Variants in CERKL observed in about 807,000 individuals in gnomAD.
CERKL encodes ceramide kinase-like protein.
A neutral mutation model predicts 63.4 loss-of-function variants in CERKL; 61 were observed. That is an observed-to-expected ratio of 0.96 (90% CI 0.78 to 1.19). The LOEUF is 1.19. Among genes scored for constraint, CERKL ranks in the 50% most tolerant of loss-of-function variants. The pLI is 0.00. For synonymous variants in CERKL, 250 were observed against 230.5 expected (o/e 1.08, Z -0.77); for missense variants, 675 against 655.5 (o/e 1.03, Z -0.33).
At chr2:181,627,383 G>T (rs182217511) in intron 1 of CERKL, among the ~76,000 whole-genome samples, 108 of 152,282 alleles carry the variant, frequency 7.1e-4, no homozygotes, top group African/African-American at 2.4e-3. Flanking sequence ...ATACAGAAAA[G>T]AATGAAAAGA....
intron 6 of CERKL, 89 bp from the exon 7 acceptor site, chr2:181,548,946 A>G (rs972596991): frequency 3.4e-6 from 4 of 1,187,032 alleles, no homozygotes; most frequent in Non-Finnish European, 4.9e-6. Flanking sequence ...ATTGGCTTAT[A>G]GGAGAATATC....
At chr2:181,595,186 A>G (rs1256442471) in intron 2 of CERKL, among the ~76,000 whole-genome samples, 1 of 151,796 alleles carries the variant, frequency 6.6e-6, no homozygotes, top group Non-Finnish European at 1.5e-5. Flanking sequence ...GTAATCTGTC[A>G]CAAATCAGTG....
Position 181,548,852 on chromosome 2 carries a change from C to T in CERKL, c.901G>A (p.Val301Ile), listed in dbSNP as rs1453612133. Residue 301 changes from valine to isoleucine, a missense_variant, in exon 7 of 13, where the codon GTA becomes ATA. Coordinates refer to ENST00000410087, the MANE Select transcript of CERKL (RefSeq NM_201548.5). ...TATLHIIMGH[V>I]QLVDVCTFST... ...AAGGTGCAGACGTCGACCAGCTGTA[C>T]ATGCCCTTGAATATTACATTAAATA... The T allele has an allele frequency of 1.7e-5, 28 of 1,613,656 alleles. No homozygotes were observed. Among genetic ancestry groups the T allele is most frequent in the Non-Finnish European group, 2.3e-5 (27 of 1,179,674 alleles).
chr2:181,585,480 T>A (rs1684721724), intron 2 of CERKL, among the ~76,000 whole-genome samples: 1 of 152,174 alleles, frequency 6.6e-6, no homozygotes, highest in Non-Finnish European at 1.5e-5. Context: ...CTATTTCTAT[T>A]AATTCCTAAA....
chr2:181,595,868 T>C (rs570830717), intron 2 of CERKL, among the ~76,000 whole-genome samples: 4 of 152,190 alleles, frequency 2.6e-5, no homozygotes, highest in African/African-American at 7.2e-5. Context: ...GCTATTATTA[T>C]GAAGATTTAA....
intron 1 of CERKL, among the ~76,000 whole-genome samples, chr2:181,653,677 G>A (rs1688028674): frequency 6.6e-6 from 1 of 152,174 alleles, no homozygotes; most frequent in Non-Finnish European, 1.5e-5. Flanking sequence ...TCACTCACAT[G>A]TAGAATCTTT....
chr2:181,581,449 T>C (rs1210651954), intron 2 of CERKL, among the ~76,000 whole-genome samples: 1 of 152,200 alleles, frequency 6.6e-6, no homozygotes, highest in Non-Finnish European at 1.5e-5. Flanking sequence ...TAGAATACAA[T>C]ATGCTACAAC....
rs1574077640 is a variant in CERKL at position 181,656,902 on chromosome 2, G to A, written c.105C>T (p.Ser35=). 1.9e-6 allele frequency: 3 copies of A among 1,604,380 alleles called. No individual in the cohort carries two copies. The highest frequency in any genetic ancestry group is 2.2e-5 in the South Asian group (2 of 90,584). The part of the protein sequence containing the change: ...AAAVPPALLT[S]PQQTEAAAER... The stretch of plus-strand genomic sequence containing the variant: ...CGGCCGCCGCCTCCGTCTGCTGCGG[G>A]GACGTTAACAGCGCCGGAGGCACAG... Residue 35 remains serine, a synonymous_variant, in exon 1 of 13, where the codon TCC becomes TCT. Transcript: ENST00000410087.
chr2:181,566,767 A>C (rs776514859), intron 3 of CERKL, among the ~76,000 whole-genome samples: 13 of 152,152 alleles, frequency 8.5e-5, no homozygotes, highest in Non-Finnish European at 1.6e-4. Flanking sequence ...TGCCCTATGC[A>C]GTATCGTAAA....
chr2:181,553,384 T>C (rs1250485773), intron 5 of CERKL, among the ~76,000 whole-genome samples: 3 of 152,176 alleles, frequency 2.0e-5, no homozygotes, highest in African/African-American at 7.2e-5. Context: ...GGATTATCGA[T>C]GGATTACAGT....
intron 1 of CERKL, among the ~76,000 whole-genome samples, chr2:181,646,811 C>A (rs1687690759): frequency 6.6e-6 from 1 of 152,116 alleles, no homozygotes; most frequent in African/African-American, 2.4e-5. Flanking sequence ...CTAATCTCTG[C>A]CTGAAGAGTT....
intron 3 of CERKL, among the ~76,000 whole-genome samples, chr2:181,573,237 A>G (rs371833751): frequency 6.6e-6 from 1 of 152,312 alleles, no homozygotes; most frequent in East Asian, 1.9e-4. Flanking sequence ...CACAAACCTA[A>G]GTACATTTCT....
At chr2:181,611,227 A>AAAT (rs557039479) in intron 1 of CERKL, among the ~76,000 whole-genome samples, 217 of 151,764 alleles carry the variant, frequency 1.4e-3, no homozygotes, top group African/African-American at 4.9e-3. Flanking sequence ...CATCTCAAAA[A>AAAT]AATAATAATA....
intron 1 of CERKL, among the ~76,000 whole-genome samples, chr2:181,641,042 C>CA (rs1687398592): frequency 6.6e-6 from 1 of 152,132 alleles, no homozygotes; most frequent in African/African-American, 2.4e-5. Flanking sequence ...CATTAGTCTC[C>CA]AGACGTTCAC....
intron 1 of CERKL, among the ~76,000 whole-genome samples, chr2:181,641,145 TCAAA>T (rs1246081025): frequency 6.6e-6 from 1 of 152,024 alleles, no homozygotes; most frequent in Non-Finnish European, 1.5e-5. Context: ...AAATTTCAGT[TCAAA>T]CAATGTATCA....
intron 11 of CERKL, among the ~76,000 whole-genome samples, chr2:181,542,319 T>C (rs192850147): frequency 1.1e-4 from 16 of 152,318 alleles, no homozygotes; most frequent in Middle Eastern, 3.4e-3. Flanking sequence ...CATTCGCTTA[T>C]TCAACCTGGT....
At position 181,587,899 on chromosome 2, in the gene CERKL, T is replaced by C. The variant is rs188853626; in HGVS notation, c.482-14015A>G. ...CAGGGCCTCCAAAAAAAATAATTTT[T>C]AGCATTCCAAGAACATATGTTCCAT... On this transcript the variant is annotated intron_variant, in intron 2 of 12. Transcript: ENST00000410087. Among the ~76,000 whole-genome samples the C allele has an allele frequency of 1.4e-3, 209 of 152,286 alleles. 1 individual carries two copies. The highest frequency in any genetic ancestry group is 4.5e-3 in the African/African-American group (186 of 41,578).
At chr2:181,639,265 A>G (rs1687318516) in intron 1 of CERKL, among the ~76,000 whole-genome samples, 1 of 152,194 alleles carries the variant, frequency 6.6e-6, no homozygotes, top group African/African-American at 2.4e-5. Flanking sequence ...TTCCAGGGGA[A>G]GAAGGGATGT....
intron 8 of CERKL, chr2:181,548,299 A>G: frequency 1.8e-6 from 1 of 549,486 alleles, no homozygotes; most frequent in Non-Finnish European, 3.2e-6. Context: ...AAGGGAAGGG[A>G]AAAAGAGAAC....
Sources: gnomAD v4.1 joint callset for allele counts (sites outside exome capture counted in the v4.1 genomes callset) on GRCh38, gnomAD v4.1.1 for gene constraint, MANE v1.5 for transcripts, NCBI Gene and HGNC (gene_info 2026-07-23, HGNC 2026-07-21) for gene names.